The following ABLIM2 variants were observed in gnomAD, a reference collection of about 807,000 sequenced individuals.
ABLIM2 encodes the protein actin-binding LIM protein 2.
ABLIM2 carries 53 observed loss-of-function variants against 97.7 expected under a neutral mutation model. The ratio of observed to expected loss-of-function variants is 0.54; its 90% CI spans 0.44 to 0.68. The LOEUF is 0.68. ABLIM2 is among the 30% of genes least tolerant of loss of function. ABLIM2 has a pLI of 0.00. For missense variants in ABLIM2, 835 were observed against 867.2 expected (o/e 0.96, Z 0.47); for synonymous variants, 361 against 345.8 (o/e 1.04, Z -0.49).
chr4:7,995,307 C>T (rs1323888789), intron 16 of ABLIM2, among the ~76,000 whole-genome samples: 3 of 152,182 alleles, frequency 2.0e-5, no homozygotes, highest in Non-Finnish European at 2.9e-5. Flanking sequence ...TGGCGGAGAT[C>T]GGCCAGGTAC....
chr4:8,106,724 T>C (rs940509001), intron 1 of ABLIM2, 87 bp from the exon 2 acceptor site: 21 of 1,474,168 alleles, frequency 1.4e-5, no homozygotes, highest in Non-Finnish European at 1.8e-5. Context: ...GACGCACAGC[T>C]GACCCTGCCA....
chr4:8,097,789 T>A (rs1328969334), intron 2 of ABLIM2, among the ~76,000 whole-genome samples: 1 of 152,024 alleles, frequency 6.6e-6, no homozygotes, highest in Non-Finnish European at 1.5e-5. Flanking sequence ...CCTCTAGGCT[T>A]CCCACCCCCT....
intron 20 of ABLIM2, among the ~76,000 whole-genome samples, chr4:7,971,414 C>A (rs1242909848): frequency 6.6e-6 from 1 of 152,264 alleles, no homozygotes; most frequent in Non-Finnish European, 1.5e-5. Flanking sequence ...GAGGGTGGGG[C>A]AGCCTCACTG....
At chr4:8,018,805 C>T (rs930648553) in intron 14 of ABLIM2, among the ~76,000 whole-genome samples, 12 of 152,220 alleles carry the variant, frequency 7.9e-5, no homozygotes, top group Admixed American at 3.3e-4. Context: ...TGACTTGATA[C>T]AATTCCCATC....
Position 8,015,473 on chromosome 4 carries a change from A to G in ABLIM2, c.1423+4145T>C, listed in dbSNP as rs1768327933. Among the ~76,000 whole-genome samples the G allele has an allele frequency of 6.6e-6, 1 of 152,054 alleles. No individual in the cohort carries two copies. The highest frequency in any genetic ancestry group is 2.1e-4 in the South Asian group (1 of 4,820). ...CCATCCCGCCGGTCCCCAAACCAAA[A>G]TGAGACTCCACCCTTTGAGGTCAAA... On this transcript the variant is annotated intron_variant, in intron 14 of 20. Coordinates refer to ENST00000447017, the MANE Select transcript of ABLIM2 (RefSeq NM_001130083.2). This position sits in a 1 kb window ranked among gnomAD's most constrained non-coding sequence, Gnocchi z 4.6.
chr4:8,007,482 A>G, intron 16 of ABLIM2: 4 of 985,478 alleles, frequency 4.1e-6, no homozygotes, highest in Non-Finnish European at 3.6e-6. Flanking sequence ...GTTTTCACCT[A>G]TGATTTACAG....
intron 10 of ABLIM2, among the ~76,000 whole-genome samples, chr4:8,035,641 G>A (rs1002779180): frequency 6.6e-6 from 1 of 152,220 alleles, no homozygotes; most frequent in Non-Finnish European, 1.5e-5. Flanking sequence ...CCTCTGAGGA[G>A]TAGGAACGCC....
chr4:8,063,598 G>T (rs1024956904), intron 6 of ABLIM2, among the ~76,000 whole-genome samples: 9 of 152,246 alleles, frequency 5.9e-5, no homozygotes, highest in Admixed American at 3.9e-4. Flanking sequence ...CCAGGAGCCT[G>T]GCCCCCGAGT....
chr4:7,986,720 T>A lies in ABLIM2; in HGVS notation c.1681-1827A>T, dbSNP rs1234423818. On this transcript the variant is annotated intron_variant, in intron 17 of 20. Coordinates refer to ENST00000447017, the MANE Select transcript of ABLIM2 (RefSeq NM_001130083.2). The surrounding 1 kb of genome is among the most constrained non-coding windows in gnomAD (Gnocchi z 4.3). Reference sequence around the variant, plus strand: ...CAGAGTCTTGCTCTGTCAGCCAAGCTGGAGTGCAATGGCGTGATCTCGGCT... The same window carrying A: ...CAGAGTCTTGCTCTGTCAGCCAAGCAGGAGTGCAATGGCGTGATCTCGGCT... Among the ~76,000 whole-genome samples the A allele has an allele frequency of 6.6e-6, 1 of 152,184 alleles. No homozygotes were observed. Among genetic ancestry groups the A allele is most frequent in the Non-Finnish European group, 1.5e-5 (1 of 68,034 alleles).
Position 8,124,420 on chromosome 4 carries a change from G to A in ABLIM2, c.11-17783C>T, listed in dbSNP as rs544233770. On this transcript the variant is annotated intron_variant, in intron 1 of 20. Coordinates refer to ENST00000447017, the MANE Select transcript of ABLIM2 (RefSeq NM_001130083.2). This position sits in a 1 kb window ranked among gnomAD's most constrained non-coding sequence, Gnocchi z 6.1. ...TGCTGCATCCTTTACTGTCACTCCC[G>A]TTTTCCCTCCGCAGCCCCTGGTAAC... Among the ~76,000 whole-genome samples the A allele has an allele frequency of 6.6e-6, 1 of 152,012 alleles. No individual in the cohort carries two copies. Among genetic ancestry groups the A allele is most frequent in the East Asian group, 1.9e-4 (1 of 5,202 alleles).
chr4:8,007,065 C>T (rs1048731105), intron 16 of ABLIM2: 102 of 985,292 alleles, frequency 1.0e-4, no homozygotes, highest in Non-Finnish European at 1.2e-4. Context: ...TCATCATTTC[C>T]AAGCTTCTGT....
chr4:8,153,968 T>C (rs1267096688), intron 1 of ABLIM2, among the ~76,000 whole-genome samples: 3 of 148,932 alleles, frequency 2.0e-5, no homozygotes, highest in South Asian at 2.1e-4. Flanking sequence ...CTTTTCTTTT[T>C]TTTTTTTTTT....
chr4:8,000,155 G>A lies in ABLIM2; in HGVS notation c.1619-7228C>T, dbSNP rs893791411. Reference sequence around the variant, plus strand: ...TGGTGTCTCCATCTGAGGAAGGGGGGCACCCTTCATCCCTGAGCAGTGGTG... The same window carrying A: ...TGGTGTCTCCATCTGAGGAAGGGGGACACCCTTCATCCCTGAGCAGTGGTG... On this transcript the variant is annotated intron_variant, in intron 16 of 20. Coordinates refer to ENST00000447017, the MANE Select transcript of ABLIM2 (RefSeq NM_001130083.2). 6.6e-5 allele frequency among the ~76,000 whole-genome samples: 10 copies of A among 152,236 alleles called. No individual in the cohort carries two copies. The East Asian group carries it at 1.9e-3, about 29-fold the overall frequency.
In ABLIM2 at chr4:8,128,627, G is replaced by C. The variant is rs1848863461; in HGVS notation, c.11-21990C>G. On this transcript the variant is annotated intron_variant, in intron 1 of 20. Transcript: ENST00000447017. This position sits in a 1 kb window ranked among gnomAD's most constrained non-coding sequence, Gnocchi z 4.9. The stretch of plus-strand genomic sequence containing the variant: ...CTTGCCCTGGCTCTAAGGCAGGAAA[G>C]CGATGAAGTCATTGTCTAGCCCAAG... Among the ~76,000 whole-genome samples, 3 of 152,214 alleles carry C rather than the reference G, an allele frequency of 2.0e-5. No individual in the cohort carries two copies. Among genetic ancestry groups the C allele is most frequent in the African/African-American group, 7.2e-5 (3 of 41,450 alleles).
At chr4:8,153,512 T>C (rs2152961171) in intron 1 of ABLIM2, among the ~76,000 whole-genome samples, 1 of 152,232 alleles carries the variant, frequency 6.6e-6, no homozygotes, top group East Asian at 1.9e-4. Context: ...CTCAGATGAA[T>C]TTCTGGGTCA....
chr4:8,027,767 T>C lies in ABLIM2; in HGVS notation c.1259A>G (p.Tyr420Cys). The C allele has an allele frequency of 6.3e-7, 1 of 1,585,708 alleles. No individual in the cohort carries two copies. Among genetic ancestry groups the C allele is most frequent in the Non-Finnish European group, 8.6e-7 (1 of 1,166,612 alleles). ...TSVFRHHYIP[Y>C]FRGSESGRST... The stretch of plus-strand genomic sequence containing the variant: ...ATCACTGCGTGCCTTACCTCGGAAG[T>C]AGGGGATGTAATGATGTCTGAACAC... Residue 420 changes from tyrosine to cysteine, a missense_variant, in exon 12 of 21, where the codon TAC (tyrosine) becomes TGC (cysteine). By Grantham distance (194) the Tyr-to-Cys change is radical. Transcript: ENST00000447017.
At chr4:8,101,209 C>T (rs192654668) in intron 2 of ABLIM2, among the ~76,000 whole-genome samples, 2 of 152,354 alleles carry the variant, frequency 1.3e-5, no homozygotes, top group East Asian at 1.9e-4. Context: ...GGCCGGGCAT[C>T]GCAGCTCCGA....
chr4:8,092,052 C>T (rs1331401183), intron 3 of ABLIM2, among the ~76,000 whole-genome samples: 2 of 147,946 alleles, frequency 1.4e-5, no homozygotes. Flanking sequence ...GGCTGGAGTG[C>T]ACTGGCACAA....
Position 8,123,526 on chromosome 4 carries a change from G to A in ABLIM2, c.11-16889C>T, listed in dbSNP as rs1395423631. Among the ~76,000 whole-genome samples the A allele has an allele frequency of 6.6e-6, 1 of 152,164 alleles. No homozygotes were observed. Among genetic ancestry groups the A allele is most frequent in the Admixed American group, 6.5e-5 (1 of 15,282 alleles). ...AGGCTGGTGTGAGGGAAGCATTTCC[G>A]GCATGTCTAATTAAAACTGGTCGTC... On this transcript the variant is annotated intron_variant, in intron 1 of 20. Coordinates refer to ENST00000447017, the MANE Select transcript of ABLIM2 (RefSeq NM_001130083.2). The surrounding 1 kb of genome is among the most constrained non-coding windows in gnomAD (Gnocchi z 6.2).
Sources: gnomAD v4.1 joint callset for allele counts (sites outside exome capture counted in the v4.1 genomes callset) on GRCh38, gnomAD v4.1.1 for gene constraint, Gnocchi (gnomAD v3.1) non-coding constraint, MANE v1.5 for transcripts, NCBI Gene and HGNC (gene_info 2026-07-23, HGNC 2026-07-21) for gene names.